LRRC2: variants seen among roughly 807,000 people sequenced by gnomAD.
The protein encoded by LRRC2 is leucine-rich repeat-containing protein 2.
In LRRC2, 27 loss-of-function variants were observed where a neutral mutation model predicts 40.2. The ratio of observed to expected loss-of-function variants is 0.67; its 90% confidence interval spans 0.49 to 0.93. The LOEUF is 0.93. LRRC2 is among the 40% of genes least tolerant of loss of function. The pLI is 0.00. For synonymous variants in LRRC2, 147 were observed against 158.9 expected, an observed-to-expected ratio of 0.92 and a Z score of 0.56; for missense variants, 402 against 439.6, an observed-to-expected ratio of 0.91 and a Z score of 0.76.
chr3:46,543,990 A>T (rs527490101), intron 3 of LRRC2, among the ~76,000 whole-genome samples: 1 of 102,140 alleles, frequency 9.8e-6, no homozygotes, highest in East Asian at 2.8e-4. Context: ...GGTCAGGGCA[A>T]GCATTAGCAG....
At chr3:46,543,618 TTAATAATAA>T (rs202012137) in intron 3 of LRRC2, among the ~76,000 whole-genome samples, 10 of 105,124 alleles carry the variant, frequency 9.5e-5, no homozygotes, top group Admixed American at 5.6e-4. Context: ...TCCATCTCAA[TTAATAATAA>T]TAATAATAAT....
chr3:46,517,053 A>T lies in LRRC2; in HGVS notation c.*1961T>A, dbSNP rs1703873529. On this transcript the variant is annotated 3_prime_UTR_variant, in exon 9 of 9. Transcript: ENST00000395905. ...GCTGGAGTTAAATGTGGCTATTTAA[A>T]TTTAATTGAATTGAAAGATGGGTTC... The T allele has an allele frequency of 6.6e-6, 1 of 152,216 alleles. No individual in the cohort carries two copies. The highest frequency in any genetic ancestry group is 1.5e-5 in the Non-Finnish European group (1 of 68,038). 9.4% of individuals were successfully genotyped at this position (152,216 alleles called of 1,614,324 possible).
At chr3:46,556,627 G>A (rs1454748914) in intron 1 of LRRC2, among the ~76,000 whole-genome samples, 3 of 132,148 alleles carry the variant, frequency 2.3e-5, no homozygotes, top group Non-Finnish European at 4.6e-5. Context: ...CGCCCAAGCT[G>A]GAGTGCAGCG....
At chr3:46,534,197 G>A (rs1438580240) in intron 4 of LRRC2, among the ~76,000 whole-genome samples, 2 of 152,010 alleles carry the variant, frequency 1.3e-5, no homozygotes, top group Non-Finnish European at 2.9e-5. Context: ...TGTTCCTTGT[G>A]TTAGTTTGGT....
At chr3:46,548,927 C>T (rs558061360) in intron 2 of LRRC2, among the ~76,000 whole-genome samples, 14 of 152,208 alleles carry the variant, frequency 9.2e-5, no homozygotes, top group African/African-American at 2.6e-4. Context: ...CTAATGCTGC[C>T]GCTGATCTGA....
At chr3:46,552,897 C>T (rs1704694773) in intron 1 of LRRC2, among the ~76,000 whole-genome samples, 1 of 152,214 alleles carries the variant, frequency 6.6e-6, no homozygotes, top group Non-Finnish European at 1.5e-5. Flanking sequence ...TTTTGGCCAT[C>T]ACATCTCAGT....
chr3:46,544,607 T>G (rs1315067109), intron 3 of LRRC2, among the ~76,000 whole-genome samples: 1 of 152,240 alleles, frequency 6.6e-6, no homozygotes, highest in Non-Finnish European at 1.5e-5. Context: ...GATGGAATTG[T>G]CTTTGCCCTG....
intron 1 of LRRC2, among the ~76,000 whole-genome samples, chr3:46,557,138 C>T (rs373292204): frequency 1.3e-5 from 2 of 152,140 alleles, no homozygotes; most frequent in South Asian, 2.1e-4. Context: ...TGAAGAATCA[C>T]AAAAGAAGTG....
intron 1 of LRRC2, among the ~76,000 whole-genome samples, chr3:46,552,777 A>T (rs564498778): frequency 6.6e-6 from 1 of 152,296 alleles, no homozygotes; most frequent in South Asian, 2.1e-4. Context: ...GACTGACCAC[A>T]CAGCCTGGAG....
Position 46,538,963 on chromosome 3 carries a change from G to A in LRRC2, c.490+82C>T, listed in dbSNP as rs555103375. On this transcript the variant is annotated intron_variant, in intron 4 of 8. Coordinates refer to ENST00000395905, the MANE Select transcript of LRRC2 (RefSeq NM_024512.5). ...GGGGAAGCTGGAGAGGAAACACGGTGTCTGCACAGTGTCTGTCACCTGCCT... is the reference window on the plus strand; with the variant it reads ...GGGGAAGCTGGAGAGGAAACACGGTATCTGCACAGTGTCTGTCACCTGCCT... The A allele has an allele frequency of 1.5e-5, 22 of 1,436,270 alleles. 1 individual carries two copies. Among genetic ancestry groups the A allele is most frequent in the Non-Finnish European group, 2.1e-5 (22 of 1,050,886 alleles). The allele number at this position is 1,436,270 out of a possible 1,614,324, so 89.0% of individuals were successfully genotyped here.
intron 1 of LRRC2, among the ~76,000 whole-genome samples, chr3:46,556,504 A>T (rs893681481): frequency 6.7e-6 from 1 of 150,320 alleles, no homozygotes; most frequent in Non-Finnish European, 1.5e-5. Context: ...ATCCTGATTT[A>T]GATTTGTTTA....
intron 1 of LRRC2, among the ~76,000 whole-genome samples, chr3:46,556,713 G>C (rs979986874): frequency 6.6e-6 from 1 of 151,642 alleles, no homozygotes; most frequent in Non-Finnish European, 1.5e-5. Context: ...CGAGTAGCTG[G>C]AATTACAGGC....
intron 2 of LRRC2, among the ~76,000 whole-genome samples, chr3:46,545,741 T>C (rs1339490079): frequency 1.3e-5 from 2 of 152,078 alleles, no homozygotes; most frequent in Admixed American, 1.3e-4. Context: ...CCACCAAACC[T>C]CACCACCCCA....
intron 2 of LRRC2, chr3:46,551,238 T>G: frequency 2.7e-6 from 1 of 366,084 alleles, no homozygotes; most frequent in Non-Finnish European, 4.8e-6. Context: ...GTCTTCCTCG[T>G]GCCTACCACA....
intron 2 of LRRC2, among the ~76,000 whole-genome samples, chr3:46,549,729 T>G (rs745727403): frequency 3.9e-5 from 6 of 152,216 alleles, no homozygotes; most frequent in Non-Finnish European, 8.8e-5. Context: ...CCCAGGTGTC[T>G]GCAAATGGCT....
chr3:46,562,837 T>C (rs573776272), intron 1 of LRRC2, among the ~76,000 whole-genome samples: 2 of 152,098 alleles, frequency 1.3e-5, no homozygotes, highest in Non-Finnish European at 2.9e-5. Flanking sequence ...CAAGCAATTC[T>C]TCCTCAGCCT....
chr3:46,565,697 C>T (rs1705041973), intron 1 of LRRC2, among the ~76,000 whole-genome samples: 1 of 152,186 alleles, frequency 6.6e-6, no homozygotes, highest in Non-Finnish European at 1.5e-5. Context: ...GCCCTTGCCT[C>T]AGGCCTGTCC....
At chr3:46,524,222 G>A (rs528623614) in intron 7 of LRRC2, among the ~76,000 whole-genome samples, 1 of 152,316 alleles carries the variant, frequency 6.6e-6, no homozygotes, top group East Asian at 1.9e-4. Flanking sequence ...TGCTGGCCAA[G>A]GTACCGGCCT....
intron 7 of LRRC2, among the ~76,000 whole-genome samples, chr3:46,527,071 C>G (rs1023141088): frequency 2.6e-5 from 4 of 152,116 alleles, no homozygotes; most frequent in African/African-American, 9.7e-5. Context: ...TTAAGGAAAC[C>G]TAAAGAAGGG....
Sources: allele counts gnomAD v4.1 joint callset (sites outside exome capture counted in the v4.1 genomes callset), GRCh38; gene constraint gnomAD v4.1.1; transcripts MANE v1.5; gene names NCBI Gene and HGNC (gene_info 2026-07-23, HGNC 2026-07-21).